PCDHA10: variants seen among roughly 807,000 people sequenced by gnomAD.
The protein encoded by PCDHA10 is protocadherin alpha-10.
Under a neutral mutation model 61.2 loss-of-function variants are expected in PCDHA10, and 45 were observed. That is an observed-to-expected ratio of 0.74 (90% confidence interval 0.58 to 0.94). The LOEUF is 0.94. Ranked by LOEUF, PCDHA10 falls within the 40% of genes least tolerant of loss-of-function variation. The probability of loss-of-function intolerance (pLI) is 0.00; values close to 1 mark genes in which losing one functional copy is unlikely to be tolerated. For missense variants in PCDHA10, 1,278 were observed against 1,236.2 expected, an observed-to-expected ratio of 1.03 and a Z score of -0.51; for synonymous variants, 602 against 548.8, an observed-to-expected ratio of 1.10 and a Z score of -1.35.
chr5:140,876,839 C>G, intron 1 of PCDHA10: 1 of 1,614,116 alleles, frequency 6.2e-7, no homozygotes, highest in Non-Finnish European at 8.5e-7. Flanking sequence ...CCTGCGTTCG[C>G]GCAGCCCGAG....
chr5:140,927,508 C>T lies in PCDHA10; in HGVS notation c.2389-51441C>T, dbSNP rs551245842. On this transcript the variant is annotated intron_variant, in intron 1 of 3. Coordinates refer to ENST00000307360, the MANE Select transcript of PCDHA10 (RefSeq NM_018901.4). The stretch of plus-strand genomic sequence containing the variant: ...CACCCACCTGCTGGTGCTTACAGCT[C>T]GGGACGGCGGGCTACCTGCCCGCTC... The T allele has an allele frequency of 9.9e-6, 16 of 1,614,074 alleles. No individual in the cohort carries two copies. In the South Asian group the frequency reaches 1.4e-4, roughly 14 times the overall value.
intron 1 of PCDHA10, chr5:140,967,338 A>G: frequency 3.7e-6 from 6 of 1,607,948 alleles, no homozygotes; most frequent in Non-Finnish European, 4.3e-6. Flanking sequence ...AGCCCCAGCG[A>G]GCACTTCGAG....
intron 1 of PCDHA10, chr5:140,884,353 T>C: frequency 1.2e-6 from 2 of 1,613,886 alleles, no homozygotes; most frequent in Non-Finnish European, 1.7e-6. Context: ...CGCTGGTGGA[T>C]GTCAATGTTT....
At chr5:140,911,153 C>T (rs921838811) in intron 1 of PCDHA10, among the ~76,000 whole-genome samples, 2 of 152,048 alleles carry the variant, frequency 1.3e-5, no homozygotes, top group Non-Finnish European at 2.9e-5. Flanking sequence ...TCTCCTCAGA[C>T]AAATGTGGAA....
intron 1 of PCDHA10, among the ~76,000 whole-genome samples, chr5:140,944,072 A>C (rs868935645): frequency 6.6e-6 from 1 of 152,218 alleles, no homozygotes; most frequent in Non-Finnish European, 1.5e-5. Context: ...CTTGTTAAAG[A>C]TAAAGGAGGC....
intron 1 of PCDHA10, among the ~76,000 whole-genome samples, chr5:140,894,946 A>G (rs1463727802): frequency 6.6e-6 from 1 of 152,206 alleles, no homozygotes; most frequent in African/African-American, 2.4e-5. Flanking sequence ...ATTGTCATGA[A>G]ATGATAAAAA....
At chr5:140,882,092 A>C (rs59479) in intron 1 of PCDHA10, 748,334 of 1,137,016 alleles carry the variant, frequency 0.66, 247,467 homozygotes, top group African/African-American at 0.7. Flanking sequence ...CTTCACTGAG[A>C]ACGTTTCCGC....
At chr5:140,923,577 G>C (rs1456273088) in intron 1 of PCDHA10, among the ~76,000 whole-genome samples, 3 of 152,196 alleles carry the variant, frequency 2.0e-5, no homozygotes, top group Non-Finnish European at 4.4e-5. Context: ...CTGCTAAAGA[G>C]AAGGTTTGTT....
chr5:140,890,350 T>C (rs1199144948), intron 1 of PCDHA10, among the ~76,000 whole-genome samples: 1 of 152,186 alleles, frequency 6.6e-6, no homozygotes, highest in Non-Finnish European at 1.5e-5. Flanking sequence ...GTTTACTATA[T>C]AGCAATGGAT....
chr5:140,859,385 G>C (rs1252027820), intron 1 of PCDHA10: 2 of 270,486 alleles, frequency 7.4e-6, no homozygotes, highest in African/African-American at 4.6e-5. Flanking sequence ...AGCTTCTCTA[G>C]TCATCTTAAA....
At chr5:140,954,526 G>A (rs2095049912) in intron 1 of PCDHA10, among the ~76,000 whole-genome samples, 1 of 152,184 alleles carries the variant, frequency 6.6e-6, no homozygotes, top group Admixed American at 6.5e-5. Flanking sequence ...GATCAGTGAT[G>A]TTGAGGTTTT....
intron 3 of PCDHA10, among the ~76,000 whole-genome samples, chr5:140,991,403 C>A (rs1230118485): frequency 6.6e-6 from 1 of 152,116 alleles, no homozygotes; most frequent in African/African-American, 2.4e-5. Context: ...TATTTATTTC[C>A]CATTATGCTA....
chr5:140,884,478 C>G, intron 1 of PCDHA10: 1 of 1,613,916 alleles, frequency 6.2e-7, no homozygotes, highest in African/African-American at 1.3e-5. Context: ...CCGGGCAAGC[C>G]CACTCTAGTG....
Position 141,010,907 on chromosome 5 carries a change from C to G in PCDHA10, c.*970C>G, listed in dbSNP as rs2098418753. 6.5e-6 allele frequency: 1 copy of G among 153,766 alleles called. No individual in the cohort carries two copies. 9.5% of individuals were successfully genotyped at this position (153,766 alleles called of 1,614,324 possible). A position where few individuals can be genotyped will look rare whatever the true frequency, so the allele number is the denominator to read the frequency against. ...GAAATATGAATACAATTCCCCTAAACTCTCCTCAAAAGAGAATTCAGTCTA... is the reference window on the plus strand; with the variant it reads ...GAAATATGAATACAATTCCCCTAAAGTCTCCTCAAAAGAGAATTCAGTCTA... On this transcript the variant is annotated 3_prime_UTR_variant, in exon 4 of 4. Coordinates refer to ENST00000307360, the MANE Select transcript of PCDHA10 (RefSeq NM_018901.4).
intron 1 of PCDHA10, chr5:140,869,690 T>A (rs902099652): frequency 6.2e-7 from 1 of 1,613,456 alleles, no homozygotes. Context: ...TCACTTATTT[T>A]AAAGAAGTCT....
chr5:140,856,917 G>T lies in PCDHA10; in HGVS notation c.869G>T (p.Arg290Met). 6.3e-7 allele frequency: 1 copy of T among 1,595,592 alleles called. No individual in the cohort carries two copies. Among genetic ancestry groups the T allele is most frequent in the South Asian group, 1.1e-5 (1 of 90,518 alleles). Residue 290 changes from arginine (R) to methionine (M), a missense_variant, in exon 1 of 4, where the codon AGG (arginine) becomes ATG (methionine). By Grantham distance (91) the Arg-to-Met change is moderately conservative. Transcript: ENST00000307360. ...TCTTTGGTCCCACCCACGATAAGAA[G>T]GAAATTTTGGATAAACGAAAGGACG... ...FSSLVPPTIR[R>M]KFWINERTGE...
At chr5:140,902,669 T>C (rs767769713) in intron 1 of PCDHA10, among the ~76,000 whole-genome samples, 1 of 152,166 alleles carries the variant, frequency 6.6e-6, no homozygotes, top group Non-Finnish European at 1.5e-5. Flanking sequence ...ACCCAAGCAG[T>C]GTACACCGTA....
chr5:140,986,371 G>T (rs1453761888), intron 3 of PCDHA10, among the ~76,000 whole-genome samples: 2 of 152,116 alleles, frequency 1.3e-5, no homozygotes, highest in African/African-American at 2.4e-5. Flanking sequence ...AATGCGTTTT[G>T]GGGGGAGGGA....
rs782030896 is a variant in PCDHA10, at chr5:140,857,680, G to C, written c.1632G>C (p.Leu544=). ...VSARDGGVPP[L]GSNLTLQVFV... is the part of the protein sequence containing the mutation. ...CGCGCGATGGGGGCGTGCCGCCTCT[G>C]GGCAGCAACTTGACGCTGCAGGTGT... Residue 544 remains leucine (L), a synonymous_variant, in exon 1 of 4, where the codon CTG becomes CTC. Coordinates refer to ENST00000307360, the MANE Select transcript of PCDHA10 (RefSeq NM_018901.4). 20 of 1,597,122 alleles carry C rather than the reference G, an allele frequency of 1.3e-5. 2 individuals are homozygous for C. Among genetic ancestry groups the C allele is most frequent in the South Asian group, 2.2e-5 (2 of 90,508 alleles).
Sources: gnomAD v4.1 joint callset for allele counts (sites outside exome capture counted in the v4.1 genomes callset) on GRCh38, gnomAD v4.1.1 for gene constraint, MANE v1.5 for transcripts, NCBI Gene and HGNC (gene_info 2026-07-23, HGNC 2026-07-21) for gene names.